ARHGAP10: variants seen among roughly 807,000 people sequenced by gnomAD.
ARHGAP10 encodes rho GTPase-activating protein 10.
ARHGAP10 carries 87 observed loss-of-function variants against 108.6 expected under a neutral mutation model. The ratio of observed to expected loss-of-function variants is 0.80; its 90% CI spans 0.67 to 0.96. ARHGAP10 has a LOEUF of 0.96. ARHGAP10 is among the 40% of genes least tolerant of loss of function. The pLI is 0.00. For synonymous variants in ARHGAP10, 347 were observed against 341.1 expected (o/e 1.02, Z -0.19); for missense variants, 939 against 954.5 (o/e 0.98, Z 0.21).
chr4:147,869,842 C>A (rs1734728460), intron 7 of ARHGAP10, among the ~76,000 whole-genome samples: 1 of 152,028 alleles, frequency 6.6e-6, no homozygotes, highest in Non-Finnish European at 1.5e-5. Flanking sequence ...TTATGAAAAG[C>A]AGGTCACTCA....
In ARHGAP10 at chr4:147,970,064, G is replaced by A. The variant is rs79404467; in HGVS notation, c.1716+3225G>A. Among the ~76,000 whole-genome samples, 1,316 of 152,192 alleles carry A rather than the reference G, an allele frequency of 8.6e-3. 18 individuals are homozygous for A. The highest frequency in any genetic ancestry group is 0.03 in the African/African-American group (1,232 of 41,518). ...AGAACCTAAATTTCCCCATTACCTCGCCTTGTCTCTCCCATTTCATCTTTG... is the reference window on the plus strand; with the variant it reads ...AGAACCTAAATTTCCCCATTACCTCACCTTGTCTCTCCCATTTCATCTTTG... On this transcript the variant is annotated intron_variant, in intron 18 of 22. Coordinates refer to ENST00000336498, the MANE Select transcript of ARHGAP10 (RefSeq NM_024605.4).
intron 1 of ARHGAP10, among the ~76,000 whole-genome samples, chr4:147,739,556 G>T (rs1008465756): frequency 6.6e-6 from 1 of 152,090 alleles, no homozygotes; most frequent in African/African-American, 2.4e-5. Context: ...GCTTGTATTT[G>T]CTATGGTAAA....
At chr4:147,891,008 A>C (rs1735776655) in intron 10 of ARHGAP10, among the ~76,000 whole-genome samples, 1 of 152,238 alleles carries the variant, frequency 6.6e-6, no homozygotes, top group Non-Finnish European at 1.5e-5. Flanking sequence ...GAGAAATTGA[A>C]AATCCTCATA....
intron 13 of ARHGAP10, 22 bp downstream of exon 13, chr4:147,913,161 A>G: frequency 6.2e-7 from 1 of 1,604,920 alleles, no homozygotes. Context: ...GAATCATTTC[A>G]TTCATGAGAG....
chr4:147,764,459 C>T (rs1729712713), intron 1 of ARHGAP10, among the ~76,000 whole-genome samples: 1 of 151,618 alleles, frequency 6.6e-6, no homozygotes. Context: ...CCCATCGGCT[C>T]CCATGCAGTA....
chr4:148,012,714 A>G (rs900450194), intron 18 of ARHGAP10, among the ~76,000 whole-genome samples: 1 of 152,060 alleles, frequency 6.6e-6, no homozygotes, highest in Admixed American at 6.6e-5. Context: ...TGTTGCATCA[A>G]CCCATATATT....
chr4:147,817,735 C>G (rs1732315479), intron 1 of ARHGAP10, among the ~76,000 whole-genome samples: 1 of 152,188 alleles, frequency 6.6e-6, no homozygotes, highest in African/African-American at 2.4e-5. Context: ...AGGTCACATT[C>G]ATTCTTTTAT....
chr4:147,943,132 A>T (rs908131399), intron 14 of ARHGAP10, among the ~76,000 whole-genome samples: 8 of 152,216 alleles, frequency 5.3e-5, no homozygotes, highest in Non-Finnish European at 1.2e-4. Context: ...ACGAGGTAGA[A>T]TTGTTATACA....
At chr4:147,952,941 G>A (rs1339294090) in intron 15 of ARHGAP10, among the ~76,000 whole-genome samples, 3 of 151,886 alleles carry the variant, frequency 2.0e-5, no homozygotes, top group Non-Finnish European at 4.4e-5. Flanking sequence ...TAAGATATGA[G>A]GTATGAATTC....
At chr4:147,972,698 A>G (rs10010556) in intron 18 of ARHGAP10, among the ~76,000 whole-genome samples, 4,445 of 151,936 alleles carry the variant, frequency 0.029, 206 homozygotes, top group African/African-American at 0.1. Context: ...GTATGAGGAC[A>G]GGCTAGTGAT....
chr4:147,737,651 A>G (rs1456715159), intron 1 of ARHGAP10, among the ~76,000 whole-genome samples: 1 of 152,172 alleles, frequency 6.6e-6, no homozygotes, highest in Non-Finnish European at 1.5e-5. Context: ...AGCCCCTACA[A>G]TTTGGGGCAT....
At chr4:147,918,351 G>T (rs1737080161) in intron 13 of ARHGAP10, among the ~76,000 whole-genome samples, 1 of 152,036 alleles carries the variant, frequency 6.6e-6, no homozygotes, top group African/African-American at 2.4e-5. Context: ...TAGCCAGGAT[G>T]GTCTTGATCT....
At chr4:148,048,116 C>T (rs1037572208) in intron 20 of ARHGAP10, among the ~76,000 whole-genome samples, 12 of 152,192 alleles carry the variant, frequency 7.9e-5, no homozygotes, top group African/African-American at 2.7e-4. Context: ...AACCACCATG[C>T]CCAGCCCATC....
At chr4:148,063,844 C>T (rs1729736286) in intron 21 of ARHGAP10, among the ~76,000 whole-genome samples, 1 of 152,168 alleles carries the variant, frequency 6.6e-6, no homozygotes, top group Non-Finnish European at 1.5e-5. Flanking sequence ...CATGAACGGA[C>T]ACAGAGGTTG....
intron 7 of ARHGAP10, among the ~76,000 whole-genome samples, chr4:147,873,888 A>AG (rs201241757): frequency 0.05 from 7,420 of 148,260 alleles, 463 homozygotes; most frequent in African/African-American, 0.14. Context: ...AAAAAAAAAA[A>AG]AGGGGGGATA....
intron 18 of ARHGAP10, among the ~76,000 whole-genome samples, chr4:148,003,939 G>A (rs1422925782): frequency 2.0e-5 from 3 of 152,230 alleles, no homozygotes; most frequent in Admixed American, 6.5e-5. Flanking sequence ...GAAGAAAGCT[G>A]CAAAATTATG....
At chr4:148,009,783 A>G (rs946859811) in intron 18 of ARHGAP10, among the ~76,000 whole-genome samples, 2 of 152,144 alleles carry the variant, frequency 1.3e-5, no homozygotes, top group Non-Finnish European at 2.9e-5. Flanking sequence ...CACTTTGTGC[A>G]TAATTTTTGT....
intron 13 of ARHGAP10, among the ~76,000 whole-genome samples, chr4:147,936,944 C>T (rs528354394): frequency 3.9e-5 from 6 of 152,180 alleles, no homozygotes; most frequent in African/African-American, 1.4e-4. Flanking sequence ...AGATCAGTGG[C>T]GACATTAGAT....
At chr4:147,957,331 C>G (rs1381634292) in intron 16 of ARHGAP10, among the ~76,000 whole-genome samples, 2 of 152,192 alleles carry the variant, frequency 1.3e-5, no homozygotes, top group East Asian at 3.8e-4. Context: ...GAGTACCCTT[C>G]TCTGCACTCA....
Sources: allele counts gnomAD v4.1 joint callset (sites outside exome capture counted in the v4.1 genomes callset), GRCh38; gene constraint gnomAD v4.1.1; transcripts MANE v1.5; gene names NCBI Gene and HGNC (gene_info 2026-07-23, HGNC 2026-07-21).